The following CAPN7 variants were observed in gnomAD, a reference collection of about 807,000 sequenced individuals.
CAPN7 encodes calpain-7.
In CAPN7, 72 loss-of-function variants were observed where a neutral mutation model predicts 115.2. That is an observed-to-expected ratio of 0.63 (90% CI 0.52 to 0.76). The LOEUF (loss-of-function observed/expected upper bound fraction) is 0.76. Among genes scored for constraint, CAPN7 ranks in the 30% least tolerant of loss-of-function variants. The probability of loss-of-function intolerance (pLI) is 0.00; values close to 1 mark genes in which losing one functional copy is unlikely to be tolerated. For missense variants in CAPN7, 905 were observed against 971.5 expected (o/e 0.93, Z 0.91); for synonymous variants, 344 against 322.3 (o/e 1.07, Z -0.72).
At chr3:15,232,409 C>A in intron 9 of CAPN7, 110 bp from the exon 10 acceptor site, 1 of 781,980 alleles carries the variant, frequency 1.3e-6, no homozygotes, top group Non-Finnish European at 2.0e-6. Context: ...TAGCCGTCAG[C>A]ATATTGTGCG....
chr3:15,229,179 T>C, intron 8 of CAPN7, 120 bp downstream of exon 8: 1 of 660,172 alleles, frequency 1.5e-6, no homozygotes, highest in Non-Finnish European at 2.7e-6. Context: ...ATGGCCCTTC[T>C]GTAGAAATTA....
At chr3:15,241,614 C>T (rs774883275) in intron 15 of CAPN7, 26 bp downstream of exon 15, 2 of 1,593,732 alleles carry the variant, frequency 1.3e-6, no homozygotes, top group East Asian at 2.2e-5. Context: ...TAATGATATC[C>T]CATACAGAAA....
At position 15,223,461 on chromosome 3, in the gene CAPN7, C is replaced by T; in HGVS notation, c.639-14C>T. 1.3e-6 allele frequency: 2 copies of T among 1,543,860 alleles called. No homozygotes were observed. Among genetic ancestry groups the T allele is most frequent in the Non-Finnish European group, 1.8e-6 (2 of 1,118,428 alleles). ...TAAACTTGAACATTTAGGTTTTTTT[C>T]TCGTGTTTGATAGGACAACATCAAA... On this transcript the variant is annotated splice_polypyrimidine_tract_variant and intron_variant, in intron 5 of 20. Transcript: ENST00000253693.
chr3:15,228,921 A>G, intron 7 of CAPN7, 53 bp from the exon 8 acceptor site: 1 of 1,313,166 alleles, frequency 7.6e-7, no homozygotes, highest in Non-Finnish European at 1.1e-6. Context: ...ATATTGCGGT[A>G]ATGTTGAAAT....
chr3:15,206,818 T>G (rs2044653272), intron 1 of CAPN7, among the ~76,000 whole-genome samples: 2 of 152,218 alleles, frequency 1.3e-5, no homozygotes, highest in African/African-American at 4.8e-5. Context: ...CCGCCGCTCC[T>G]CCACCTGTAG....
rs926418492 is a variant in CAPN7 at position 15,223,523 on chromosome 3, T to C, written c.687T>C (p.Val229=). 1 of 1,608,880 alleles carries C rather than the reference T, an allele frequency of 6.2e-7. No individual in the cohort carries two copies. Among genetic ancestry groups the C allele is most frequent in the African/African-American group, 1.3e-5 (1 of 74,738 alleles). ...NGIEYVPFMN[V]DLRERFAYPM... ...TAGAATATGTTCCTTTCATGAATGT[T>C]GACCTGAGAGAACGTTTTGCCTATC... Residue 229 remains valine, a synonymous_variant, in exon 6 of 21, where the codon GTT becomes GTC. Coordinates refer to ENST00000253693, the MANE Select transcript of CAPN7 (RefSeq NM_014296.3).
chr3:15,250,813 T>C (rs1695963726), intron 19 of CAPN7, 118 bp from the exon 20 acceptor site: 1 of 700,150 alleles, frequency 1.4e-6, no homozygotes, highest in Non-Finnish European at 2.5e-6. Flanking sequence ...TGTGTATGTT[T>C]CTACTGAAAC....
Position 15,242,253 on chromosome 3 carries a change from G to C in CAPN7, c.1864G>C (p.Ala622Pro), listed in dbSNP as rs1423947854. ...KTDGKKVYYP[A>P]DPPPYIDGIR... ...TGATGGGAAAAAAGTTTATTACCCA[G>C]GTATGTTTAGTAGCCCAGCAAACAT... Residue 622 changes from alanine to proline, a missense_variant and splice_region_variant, in exon 16 of 21, where the codon GCT (alanine) becomes CCT (proline). This residue lies in a region of CAPN7 where 620 missense variants were observed against 703.4 expected (regional missense o/e 0.88). Transcript: ENST00000253693. 1.3e-6 allele frequency: 2 copies of C among 1,569,810 alleles called. No homozygotes were observed. Among genetic ancestry groups the C allele is most frequent in the East Asian group, 2.3e-5 (1 of 44,030 alleles).
chr3:15,227,704 CAGA>C (rs1694409617), intron 6 of CAPN7, 132 bp from the exon 7 acceptor site: 1 of 430,614 alleles, frequency 2.3e-6, no homozygotes, highest in Non-Finnish European at 4.0e-6. Flanking sequence ...CAGATTTGAC[CAGA>C]AGGTTATTTT....
chr3:15,228,527 T>A (rs1234187557), intron 7 of CAPN7, among the ~76,000 whole-genome samples: 3 of 152,212 alleles, frequency 2.0e-5, no homozygotes, highest in Non-Finnish European at 2.9e-5. Context: ...TGGAATACTA[T>A]GCAGCCATAA....
At chr3:15,209,171 C>T (rs142931156) in intron 1 of CAPN7, among the ~76,000 whole-genome samples, 2,145 of 152,100 alleles carry the variant, frequency 0.014, 23 homozygotes, top group Middle Eastern at 0.027. Context: ...CCACCACCCC[C>T]GGCTAATTTT....
rs748436352 is a variant in CAPN7 at position 15,247,447 on chromosome 3, C to T, written c.2194C>T (p.Arg732Ter). ...EKTGPLLIELRGPRQYSVGFE... is the reference protein window; with the variant it reads ...EKTGPLLIEL ...GACTGGGCCGTTACTGATTGAGCTA[C>T]GAGGACCAAGGTTTGTGATGAGTAA... Residue 732 changes from arginine to a stop codon, truncating the protein, a stop_gained, in exon 19 of 21, where the codon CGA becomes TGA. Transcript: ENST00000253693. LOFTEE classifies it high-confidence loss of function. The T allele has an allele frequency of 4.4e-6, 7 of 1,598,132 alleles. No individual in the cohort carries two copies. Among genetic ancestry groups the T allele is most frequent in the South Asian group, 2.3e-5 (2 of 87,548 alleles).
chr3:15,224,135 A>G (rs1401223591), intron 6 of CAPN7, among the ~76,000 whole-genome samples: 3 of 152,224 alleles, frequency 2.0e-5, no homozygotes, highest in Non-Finnish European at 4.4e-5. Context: ...ACAAACTGGC[A>G]ATATGGGAAT....
At chr3:15,226,014 C>T (rs1694291217) in intron 6 of CAPN7, among the ~76,000 whole-genome samples, 2 of 151,896 alleles carry the variant, frequency 1.3e-5, no homozygotes, top group Non-Finnish European at 1.5e-5. Context: ...TCTATTCGGT[C>T]GTGTATTACT....
intron 2 of CAPN7, among the ~76,000 whole-genome samples, chr3:15,213,379 G>GT (rs2045060827): frequency 6.6e-6 from 1 of 152,178 alleles, no homozygotes; most frequent in Non-Finnish European, 1.5e-5. Flanking sequence ...TAATAGATGA[G>GT]TGACAGTCCA....
chr3:15,222,979 G>C (rs915021348), intron 5 of CAPN7, among the ~76,000 whole-genome samples: 2 of 152,170 alleles, frequency 1.3e-5, no homozygotes, highest in Non-Finnish European at 2.9e-5. Context: ...ACAAAACAAG[G>C]AGAATGCAAA....
chr3:15,243,008 G>A (rs965915396), intron 16 of CAPN7, among the ~76,000 whole-genome samples: 6 of 152,070 alleles, frequency 3.9e-5, no homozygotes, highest in African/African-American at 1.2e-4. Context: ...ACTGATACAC[G>A]TGTAAAAAAA....
chr3:15,227,815 T>C, intron 6 of CAPN7, 24 bp from the exon 7 acceptor site: 1 of 1,381,764 alleles, frequency 7.2e-7, no homozygotes, highest in Non-Finnish European at 9.5e-7. Context: ...AATTTTTTTA[T>C]TTTAATTTTT....
intron 6 of CAPN7, among the ~76,000 whole-genome samples, chr3:15,224,933 T>A (rs192603295): frequency 5.0e-4 from 76 of 152,326 alleles, no homozygotes; most frequent in African/African-American, 1.8e-3. Flanking sequence ...CAAAGGAATT[T>A]TTATATCTGA....
Sources: gnomAD v4.1 joint callset for allele counts (sites outside exome capture counted in the v4.1 genomes callset) on GRCh38, gnomAD v4.1.1 for gene constraint, gnomAD v4.1.1 regional missense constraint, MANE v1.5 for transcripts, NCBI Gene and HGNC (gene_info 2026-07-23, HGNC 2026-07-21) for gene names.